The following LRRC4C variants were observed in gnomAD, a reference collection of about 807,000 sequenced individuals.
LRRC4C encodes the protein leucine-rich repeat-containing protein 4C.
In LRRC4C, 5 loss-of-function variants were observed where a neutral mutation model predicts 33.6. The ratio of observed to expected loss-of-function variants is 0.15; its 90% CI spans 0.08 to 0.31. The LOEUF (loss-of-function observed/expected upper bound fraction) is 0.31, where lower values mean the gene tolerates loss of function less well. LRRC4C is among the 10% of genes least tolerant of loss of function. The probability of loss-of-function intolerance (pLI) is 1.00; values close to 1 mark genes in which losing one functional copy is unlikely to be tolerated. For synonymous variants in LRRC4C, 329 were observed against 302.0 expected (o/e 1.09, Z -0.93); for missense variants, 560 against 796.7 (o/e 0.70, Z 3.58).
intron 3 of LRRC4C, among the ~76,000 whole-genome samples, chr11:40,546,231 A>T (rs924025485): frequency 2.0e-5 from 3 of 151,946 alleles, no homozygotes; most frequent in Non-Finnish European, 2.9e-5. Flanking sequence ...CTGTTCTAAC[A>T]GAGATCACAC....
At chr11:41,368,480 T>C (rs879918066) in intron 1 of LRRC4C, among the ~76,000 whole-genome samples, 8 of 152,178 alleles carry the variant, frequency 5.3e-5, no homozygotes, top group African/African-American at 1.4e-4. Flanking sequence ...AATAACTGAG[T>C]CCTTATTAAC....
intron 1 of LRRC4C, among the ~76,000 whole-genome samples, chr11:41,355,731 C>T (rs1449915583): frequency 3.9e-5 from 6 of 151,944 alleles, no homozygotes; most frequent in Non-Finnish European, 5.9e-5. Flanking sequence ...GTACAGTATC[C>T]ATTTTTGGGG....
In LRRC4C at chr11:40,181,712, C is replaced by T. The variant is rs141782797; in HGVS notation, c.-95-40859G>A. 6.6e-3 allele frequency among the ~76,000 whole-genome samples: 1,012 copies of T among 152,288 alleles called. 16 individuals carry two copies. Among genetic ancestry groups the T allele is most frequent in the African/African-American group, 0.023 (959 of 41,550 alleles). ...ATAGTTAGCAAATCCATTTCTGGTCCATTCTTACCCAACCATGAGGAGAGA... is the reference window on the plus strand; with the variant it reads ...ATAGTTAGCAAATCCATTTCTGGTCTATTCTTACCCAACCATGAGGAGAGA... On this transcript the variant is annotated intron_variant, in intron 5 of 6. Coordinates refer to ENST00000528697, the MANE Select transcript of LRRC4C (RefSeq NM_001258419.2).
intron 2 of LRRC4C, among the ~76,000 whole-genome samples, chr11:40,813,133 A>G (rs917699614): frequency 5.9e-5 from 9 of 152,208 alleles, no homozygotes; most frequent in Non-Finnish European, 1.0e-4. Flanking sequence ...CTAATTGCCC[A>G]GGTTACCCCA....
chr11:41,344,962 A>C (rs1951757391), intron 1 of LRRC4C, among the ~76,000 whole-genome samples: 1 of 148,324 alleles, frequency 6.7e-6, no homozygotes, highest in Non-Finnish European at 1.5e-5. Flanking sequence ...TAAACTAAGA[A>C]TCATTATTAA....
rs576919087 is a variant in LRRC4C at position 40,449,070 on chromosome 11, T to C, written c.-269-129349A>G. Among the ~76,000 whole-genome samples the C allele has an allele frequency of 2.6e-5, 4 of 152,352 alleles. No individual in the cohort carries two copies. In the South Asian group the frequency reaches 8.3e-4, roughly 32 times the overall value. ...TTCTTTTGAGAAGTGTCTGTTCATA[T>C]CCTTTGCCTACTTTTTGATGGGGTT... On this transcript the variant is annotated intron_variant, in intron 3 of 6. Transcript: ENST00000528697.
At chr11:41,293,838 C>T (rs1158083965) in intron 1 of LRRC4C, among the ~76,000 whole-genome samples, 2 of 152,116 alleles carry the variant, frequency 1.3e-5, no homozygotes, top group Non-Finnish European at 2.9e-5. Flanking sequence ...CTCAGGTGAT[C>T]CACCTGCCTC....
intron 3 of LRRC4C, among the ~76,000 whole-genome samples, chr11:40,546,702 A>G (rs1956939347): frequency 6.6e-6 from 1 of 152,114 alleles, no homozygotes; most frequent in Non-Finnish European, 1.5e-5. Flanking sequence ...GCAAATATAT[A>G]CCACCAATCA....
At chr11:40,998,085 G>A (rs968238010) in intron 1 of LRRC4C, among the ~76,000 whole-genome samples, 3 of 151,946 alleles carry the variant, frequency 2.0e-5, no homozygotes, top group African/African-American at 7.3e-5. Context: ...AAGAGAGGTC[G>A]AAAACCAGAT....
chr11:40,222,181 G>T (rs529212296), intron 5 of LRRC4C, among the ~76,000 whole-genome samples: 24 of 152,300 alleles, frequency 1.6e-4, no homozygotes, highest in African/African-American at 5.8e-4. Flanking sequence ...ATTTGCAGGT[G>T]ATGGAGCCCC....
intron 3 of LRRC4C, among the ~76,000 whole-genome samples, chr11:40,506,671 A>G (rs1000574016): frequency 8.5e-5 from 13 of 152,120 alleles, no homozygotes; most frequent in Non-Finnish European, 1.8e-4. Flanking sequence ...GTTTATATAC[A>G]AAATAACATA....
intron 1 of LRRC4C, among the ~76,000 whole-genome samples, chr11:41,344,226 C>CA (rs1236102802): frequency 1.0e-4 from 12 of 118,438 alleles, no homozygotes; most frequent in African/African-American, 3.8e-4. Context: ...TGAAGCCTTT[C>CA]TTTTTTTTTT....
At chr11:41,109,985 T>G (rs1244007484) in intron 1 of LRRC4C, among the ~76,000 whole-genome samples, 2 of 152,024 alleles carry the variant, frequency 1.3e-5, no homozygotes, top group Non-Finnish European at 2.9e-5. Context: ...AAAGACAAAA[T>G]GCAACACCAA....
chr11:40,868,762 T>C (rs1358099323), intron 2 of LRRC4C, among the ~76,000 whole-genome samples: 4 of 152,196 alleles, frequency 2.6e-5, no homozygotes, highest in Non-Finnish European at 5.9e-5. Context: ...ATGTTTAATA[T>C]GTTTTTAAAG....
intron 2 of LRRC4C, among the ~76,000 whole-genome samples, chr11:40,885,822 A>G (rs2067151428): frequency 1.3e-5 from 2 of 152,122 alleles, no homozygotes; most frequent in Admixed American, 1.3e-4. Flanking sequence ...ACCAGGTGCC[A>G]TGTTAAATAC....
chr11:40,497,839 G>T (rs1296601484), intron 3 of LRRC4C, among the ~76,000 whole-genome samples: 1 of 152,154 alleles, frequency 6.6e-6, no homozygotes, highest in African/African-American at 2.4e-5. Context: ...CAGAAGTTAA[G>T]CACAAGTTCC....
chr11:41,324,373 T>A (rs1240960486), intron 1 of LRRC4C, among the ~76,000 whole-genome samples: 2 of 152,148 alleles, frequency 1.3e-5, no homozygotes, highest in Non-Finnish European at 1.5e-5. Context: ...GAAGTTGCGG[T>A]GAGCCAAGAT....
At chr11:41,299,098 C>T (rs775449367) in intron 1 of LRRC4C, among the ~76,000 whole-genome samples, 2 of 152,132 alleles carry the variant, frequency 1.3e-5, no homozygotes, top group Non-Finnish European at 2.9e-5. Flanking sequence ...CATAGGAATG[C>T]CAGTGTCTTT....
At chr11:40,567,665 A>G (rs1450298483) in intron 3 of LRRC4C, among the ~76,000 whole-genome samples, 3 of 152,196 alleles carry the variant, frequency 2.0e-5, no homozygotes, top group African/African-American at 7.2e-5. Context: ...CTTACTAGAA[A>G]ATGTAATAAT....
Sources: gnomAD v4.1 joint callset for allele counts (sites outside exome capture counted in the v4.1 genomes callset) on GRCh38, gnomAD v4.1.1 for gene constraint, MANE v1.5 for transcripts, NCBI Gene and HGNC (gene_info 2026-07-23, HGNC 2026-07-21) for gene names.